NRXN1: variants seen among roughly 807,000 people sequenced by gnomAD.
NRXN1 encodes the protein neurexin-1.
A neutral mutation model predicts 150.9 loss-of-function variants in NRXN1; 39 were observed. The observed-to-expected ratio is 0.26, with a 90% CI of 0.20 to 0.34. The LOEUF (loss-of-function observed/expected upper bound fraction) is 0.34. Among genes scored for constraint, NRXN1 ranks in the 10% least tolerant of loss-of-function variants. The pLI, the probability that NRXN1 is intolerant of heterozygous loss-of-function variation, is 1.00. For synonymous variants in NRXN1, 924 were observed against 757.0 expected (o/e 1.22, Z -3.62); for missense variants, 1,815 against 1,949.9 (o/e 0.93, Z 1.30).
chr2:50,239,290 AT>A (rs565065519), intron 17 of NRXN1, among the ~76,000 whole-genome samples: 6 of 151,708 alleles, frequency 4.0e-5, no homozygotes, highest in East Asian at 1.9e-4. Flanking sequence ...TTAATAATTA[AT>A]TTTTTTCCTT....
Position 50,970,236 on chromosome 2 carries a change from G to A in NRXN1, c.773-44281C>T, listed in dbSNP as rs974058480. 4.6e-5 allele frequency among the ~76,000 whole-genome samples: 7 copies of A among 152,112 alleles called. No individual in the cohort carries two copies. In the East Asian group the frequency reaches 1.3e-3, roughly 29 times the overall value. On this transcript the variant is annotated intron_variant, in intron 2 of 22. Transcript: ENST00000401669. ...TTTCTGTGACCTGCCTTGGGGAAGA[G>A]GGATTATAGGTTCTATGGCTAGCCT...
At chr2:50,639,813 G>T (rs1400864482) in intron 5 of NRXN1, among the ~76,000 whole-genome samples, 2 of 151,978 alleles carry the variant, frequency 1.3e-5, no homozygotes, top group Non-Finnish European at 2.9e-5. Context: ...AATTATGTTA[G>T]CCTCTCAACA....
chr2:50,750,525 G>T (rs1464996135), intron 5 of NRXN1, among the ~76,000 whole-genome samples: 1 of 151,970 alleles, frequency 6.6e-6, no homozygotes, highest in Non-Finnish European at 1.5e-5. Context: ...AAACCAACAT[G>T]ACACATGTAT....
chr2:50,519,444 C>T (rs1414609006), intron 12 of NRXN1, among the ~76,000 whole-genome samples: 3 of 151,910 alleles, frequency 2.0e-5, no homozygotes, highest in African/African-American at 7.2e-5. Context: ...ATGAATGGCT[C>T]ACCTTATGCT....
intron 18 of NRXN1, among the ~76,000 whole-genome samples, chr2:50,148,110 C>T (rs2058465954): frequency 6.6e-6 from 1 of 151,634 alleles, no homozygotes; most frequent in African/African-American, 2.4e-5. Flanking sequence ...CAAGCATATG[C>T]TGTTAAATAA....
At chr2:50,191,142 C>T (rs1157166612) in intron 18 of NRXN1, among the ~76,000 whole-genome samples, 1 of 151,912 alleles carries the variant, frequency 6.6e-6, no homozygotes, top group Non-Finnish European at 1.5e-5. Context: ...TTTTCTCCTA[C>T]CTCAGCCTCC....
chr2:50,185,335 T>C (rs1333679645), intron 18 of NRXN1, among the ~76,000 whole-genome samples: 3 of 152,034 alleles, frequency 2.0e-5, no homozygotes, highest in Non-Finnish European at 4.4e-5. Flanking sequence ...AGGAGTTAAA[T>C]CTCCTGGGTT....
At chr2:50,479,918 T>C (rs1181585810) in intron 15 of NRXN1, among the ~76,000 whole-genome samples, 3 of 151,978 alleles carry the variant, frequency 2.0e-5, no homozygotes, top group African/African-American at 4.8e-5. Flanking sequence ...GGATTACAGG[T>C]CTATGCCATT....
At chr2:50,945,937 GTATTAT>G (rs538118636) in intron 2 of NRXN1, among the ~76,000 whole-genome samples, 18 of 145,876 alleles carry the variant, frequency 1.2e-4, no homozygotes, top group Non-Finnish European at 1.8e-4. Context: ...TACTTGTAAA[GTATTAT>G]TATTATTATT....
intron 22 of NRXN1, among the ~76,000 whole-genome samples, chr2:49,928,286 G>A (rs1669478673): frequency 6.6e-6 from 1 of 151,496 alleles, no homozygotes; most frequent in Non-Finnish European, 1.5e-5. Context: ...TTGGCAAGAT[G>A]CATTTACTGA....
In NRXN1 at chr2:50,304,907, T is replaced by G. The variant is rs2074475952; in HGVS notation, c.3365-67937A>C. ...GAGTTCGAGACCAGCCTGGCCAACA[T>G]GTTGAAACCCCGTGTCTACTAAAAA... is the stretch of plus-strand genomic sequence containing the variant. On this transcript the variant is annotated intron_variant, in intron 17 of 22. Coordinates refer to ENST00000401669, the MANE Select transcript of NRXN1 (RefSeq NM_001330078.2). Among the ~76,000 whole-genome samples the G allele has an allele frequency of 2.6e-5, 4 of 152,054 alleles. No homozygotes were observed. The South Asian group carries it at 8.3e-4, about 32-fold the overall frequency.
At chr2:50,824,730 C>A (rs1670212105) in intron 5 of NRXN1, among the ~76,000 whole-genome samples, 1 of 152,098 alleles carries the variant, frequency 6.6e-6, no homozygotes, top group African/African-American at 2.4e-5. Context: ...CCCACTTCTC[C>A]AGGGTCATGC....
At chr2:50,257,032 T>TC (rs2067769133) in intron 17 of NRXN1, among the ~76,000 whole-genome samples, 1 of 152,076 alleles carries the variant, frequency 6.6e-6, no homozygotes, top group Non-Finnish European at 1.5e-5. Flanking sequence ...ATCCAGGCTT[T>TC]GAAAAAAATG....
At chr2:50,857,178 CG>C (rs1675394947) in intron 5 of NRXN1, among the ~76,000 whole-genome samples, 1 of 151,892 alleles carries the variant, frequency 6.6e-6, no homozygotes, top group Admixed American at 6.6e-5. Flanking sequence ...ACATTTACTT[CG>C]GGGTAAAGTT....
chr2:50,743,612 T>C (rs1699693885), intron 5 of NRXN1, among the ~76,000 whole-genome samples: 1 of 152,198 alleles, frequency 6.6e-6, no homozygotes, highest in Non-Finnish European at 1.5e-5. Flanking sequence ...AAATGGAATG[T>C]CAGTTAATTT....
chr2:50,120,044 G>C lies in NRXN1; in HGVS notation c.3547-28550C>G, dbSNP rs894241507. ...TTCAGCAAATGTTCTGCTTGGAGCA[G>C]CTGTTAACAGATTCTTGCTCTATTG... is the stretch of plus-strand genomic sequence containing the variant. On this transcript the variant is annotated intron_variant, in intron 18 of 22. Coordinates refer to ENST00000401669, the MANE Select transcript of NRXN1 (RefSeq NM_001330078.2). Among the ~76,000 whole-genome samples, 4 of 152,062 alleles carry C rather than the reference G, an allele frequency of 2.6e-5. 1 individual carries two copies. The highest frequency in any genetic ancestry group is 2.0e-4 in the Admixed American group (3 of 15,264).
At chr2:50,254,395 T>C (rs150902317) in intron 17 of NRXN1, among the ~76,000 whole-genome samples, 1,540 of 152,012 alleles carry the variant, frequency 0.01, 50 homozygotes, top group African/African-American at 0.035. Flanking sequence ...TTGAAGAGTT[T>C]TTTTGTGTCT....
intron 17 of NRXN1, among the ~76,000 whole-genome samples, chr2:50,308,824 T>TTAATGATCTGAGCCCACCAC (rs1385229330): frequency 1.3e-5 from 2 of 152,130 alleles, no homozygotes; most frequent in African/African-American, 4.8e-5. Context: ...CAGATTTGGG[T>TTAATGATCTGAGCCCACCAC]TAATGATCTG....
intron 21 of NRXN1, among the ~76,000 whole-genome samples, chr2:49,956,432 A>G (rs1674958070): frequency 1.3e-5 from 2 of 152,152 alleles, no homozygotes; most frequent in South Asian, 4.1e-4. Context: ...CTGTAAGGCA[A>G]TTTGTGCTCC....
Sources: allele counts gnomAD v4.1 joint callset (sites outside exome capture counted in the v4.1 genomes callset), GRCh38; gene constraint gnomAD v4.1.1; transcripts MANE v1.5; gene names NCBI Gene and HGNC (gene_info 2026-07-23, HGNC 2026-07-21).